The following SLC45A4 variants were observed in gnomAD, a reference collection of about 807,000 sequenced individuals.
SLC45A4 encodes the protein solute carrier family 45 member 4, also known as polyamine-transporter SLC45A4.
In SLC45A4, 32 loss-of-function variants were observed where a neutral mutation model predicts 63.7. The ratio of observed to expected loss-of-function variants is 0.50; its 90% CI spans 0.38 to 0.67. The LOEUF (loss-of-function observed/expected upper bound fraction) is 0.67. Among genes scored for constraint, SLC45A4 ranks in the 30% least tolerant of loss-of-function variants. SLC45A4 has a pLI of 0.00. For missense variants in SLC45A4, 1,027 were observed against 1,157.7 expected (o/e 0.89, Z 1.64); for synonymous variants, 535 against 510.0 (o/e 1.05, Z -0.66).
rs761560087 is a variant in SLC45A4, at chr8:141,218,032, G to A, written c.1608C>T (p.Val536=). The A allele has an allele frequency of 5.6e-6, 9 of 1,609,090 alleles. No individual in the cohort carries two copies. The highest frequency in any genetic ancestry group is 1.1e-5 in the South Asian group (1 of 90,822). Reference sequence around the variant, plus strand: ...TCACCTTGGGGTCGCCTTCGAAGATGACCTGGCCCATGAAGTCGGTGTAGA... The same window carrying A: ...TCACCTTGGGGTCGCCTTCGAAGATAACCTGGCCCATGAAGTCGGTGTAGA... ...AVFYTDFMGQ[V]IFEGDPKAPS... is the part of the protein sequence containing the mutation. Residue 536 remains valine, a synonymous_variant, in exon 5 of 9, where the codon GTC becomes GTT. Transcript: ENST00000517878.
chr8:141,257,528 A>C (rs1255883765), intron 1 of SLC45A4, among the ~76,000 whole-genome samples: 1 of 152,238 alleles, frequency 6.6e-6, no homozygotes, highest in Non-Finnish European at 1.5e-5. Context: ...TCTTTGTCCC[A>C]TTACAGTGTC....
At chr8:141,251,566 GGA>G (rs1569558748) in intron 2 of SLC45A4, among the ~76,000 whole-genome samples, 1 of 151,958 alleles carries the variant, frequency 6.6e-6, no homozygotes. Flanking sequence ...CACACACAGA[GGA>G]GAGAACAAGA....
chr8:141,258,328 C>T (rs541527294), intron 1 of SLC45A4, among the ~76,000 whole-genome samples: 34 of 152,314 alleles, frequency 2.2e-4, no homozygotes, highest in East Asian at 1.9e-3. Context: ...TTAAACGACC[C>T]GAGGCCAGGA....
chr8:141,243,953 G>A (rs1346814835), intron 2 of SLC45A4, among the ~76,000 whole-genome samples: 1 of 152,112 alleles, frequency 6.6e-6, no homozygotes, highest in East Asian at 1.9e-4. Context: ...TATTGGTAAG[G>A]CTTCCAGTCA....
chr8:141,268,140 G>A (rs1261804882), intron 1 of SLC45A4, among the ~76,000 whole-genome samples: 2 of 152,222 alleles, frequency 1.3e-5, no homozygotes, highest in Non-Finnish European at 2.9e-5. Flanking sequence ...ACGGAAATGA[G>A]CTCTGACGCC....
chr8:141,246,271 C>T lies in SLC45A4; in HGVS notation c.241+7718G>A, dbSNP rs146259673. ...CACGTGTACTGGTTTCCTGCTGCTG[C>T]GTAACAAACTGCACACCACCCAGCG... On this transcript the variant is annotated intron_variant, in intron 2 of 8. Coordinates refer to ENST00000517878, the MANE Select transcript of SLC45A4 (RefSeq NM_001286646.2). Among the ~76,000 whole-genome samples, 407 of 152,266 alleles carry T rather than the reference C, an allele frequency of 2.7e-3. 1 individual carries two copies. Among genetic ancestry groups the T allele is most frequent in the African/African-American group, 8.8e-3 (367 of 41,542 alleles).
chr8:141,303,963 C>T (rs1021159449), intron 1 of SLC45A4, among the ~76,000 whole-genome samples: 1 of 152,228 alleles, frequency 6.6e-6, no homozygotes, highest in African/African-American at 2.4e-5. Context: ...TCTGGACTGG[C>T]TGGCACCCTT....
intron 2 of SLC45A4, among the ~76,000 whole-genome samples, chr8:141,244,201 G>A (rs1164638946): frequency 1.3e-5 from 2 of 152,184 alleles, no homozygotes; most frequent in African/African-American, 4.8e-5. Context: ...TAACACCTGG[G>A]TTTGAAAGGC....
intron 1 of SLC45A4, among the ~76,000 whole-genome samples, chr8:141,255,904 T>C (rs1172183922): frequency 1.3e-5 from 2 of 152,016 alleles, no homozygotes; most frequent in South Asian, 2.1e-4. Context: ...AAAATGAAAT[T>C]ATAGACCTTT....
intron 6 of SLC45A4, 80 bp from the exon 7 acceptor site, chr8:141,216,050 G>GC: frequency 1.6e-6 from 2 of 1,270,670 alleles, no homozygotes; most frequent in Non-Finnish European, 2.2e-6. Context: ...CCCTCCCCTC[G>GC]CCCCCCACAT....
chr8:141,284,436 G>T (rs899336531), intron 1 of SLC45A4, among the ~76,000 whole-genome samples: 1 of 152,258 alleles, frequency 6.6e-6, no homozygotes, highest in African/African-American at 2.4e-5. Flanking sequence ...TCCGGGGAAG[G>T]AAAGTTGGCG....
At chr8:141,305,352 G>A (rs1563687978) in intron 1 of SLC45A4, among the ~76,000 whole-genome samples, 1 of 152,204 alleles carries the variant, frequency 6.6e-6, no homozygotes, top group African/African-American at 2.4e-5. Context: ...CTCTTCGGCT[G>A]GGAGGTTTGC....
At chr8:141,264,217 G>A (rs1447092902) in intron 1 of SLC45A4, among the ~76,000 whole-genome samples, 1 of 152,192 alleles carries the variant, frequency 6.6e-6, no homozygotes, top group Admixed American at 6.5e-5. Context: ...GGATCCATAT[G>A]CTCGAGTGTG....
At chr8:141,253,777 G>A (rs1269374067) in intron 2 of SLC45A4, among the ~76,000 whole-genome samples, 1 of 152,158 alleles carries the variant, frequency 6.6e-6, no homozygotes, top group Non-Finnish European at 1.5e-5. Context: ...GTAATTCAAC[G>A]TCAACATCCG....
rs1569558063 is a variant in SLC45A4, at chr8:141,218,968, G to T, written c.672C>A (p.Gly224=). The change falls in exon 5 of 9, where the codon GGC becomes GGA. Residue 224 remains glycine (G), a synonymous_variant. Coordinates refer to ENST00000517878, the MANE Select transcript of SLC45A4 (RefSeq NM_001286646.2). ...CCTGGTTCTGGGTCCGGAACCAGCT[G>T]CCCAGGAAGGTCTGGGTCCAGTCCA... ...GGLDWTQTFL[G]SWFRTQNQVL... is the part of the protein sequence containing the mutation. The T allele has an allele frequency of 1.2e-6, 2 of 1,613,538 alleles. No homozygotes were observed. The highest frequency in any genetic ancestry group is 8.5e-7 in the Non-Finnish European group (1 of 1,179,932).
intron 1 of SLC45A4, among the ~76,000 whole-genome samples, chr8:141,291,488 G>T (rs998721816): frequency 6.6e-6 from 1 of 152,154 alleles, no homozygotes; most frequent in African/African-American, 2.4e-5. Context: ...GGGGCAAATA[G>T]AAACAAAGGA....
At position 141,215,862 on chromosome 8, in the gene SLC45A4, T is replaced by C. The variant is rs140681246; in HGVS notation, c.1838A>G (p.Asn613Ser). 14,427 of 1,614,124 alleles carry C rather than the reference T, an allele frequency of 8.9e-3. 79 individuals are homozygous for C. The highest frequency in any genetic ancestry group is 0.01 in the Non-Finnish European group (12,025 of 1,180,010). ...GATGGTGACCATGGCGACGTAGACG[T>C]TGGGAAACATGGCCATCACGGCTGT... ...VGTAVMAMFPNVYVAMVTIST... is the reference protein window; with the variant it reads ...VGTAVMAMFPSVYVAMVTIST... Residue 613 changes from asparagine (N) to serine (S), a missense_variant, in exon 7 of 9, where the codon AAC becomes AGC. By Grantham distance (46) the Asn-to-Ser change is conservative. Coordinates refer to ENST00000517878, the MANE Select transcript of SLC45A4 (RefSeq NM_001286646.2). The surrounding 1 kb of genome is among the most constrained non-coding windows in gnomAD (Gnocchi z 4.3).
intron 2 of SLC45A4, among the ~76,000 whole-genome samples, chr8:141,252,885 C>G (rs1180792907): frequency 6.7e-6 from 1 of 150,212 alleles, no homozygotes; most frequent in Non-Finnish European, 1.5e-5. Context: ...GTTTTCATAT[C>G]CACCTGTGTG....
chr8:141,234,970 C>T (rs375506206), intron 2 of SLC45A4, among the ~76,000 whole-genome samples: 2 of 152,188 alleles, frequency 1.3e-5, no homozygotes, highest in Non-Finnish European at 1.5e-5. Context: ...CTGCCTTCCC[C>T]GAGGACAGGA....
Sources: gnomAD v4.1 joint callset for allele counts (sites outside exome capture counted in the v4.1 genomes callset) on GRCh38, gnomAD v4.1.1 for gene constraint, Gnocchi (gnomAD v3.1) non-coding constraint, MANE v1.5 for transcripts, NCBI Gene and HGNC (gene_info 2026-07-23, HGNC 2026-07-21) for gene names.